Variants in MGAT4C observed in about 807,000 individuals in gnomAD.
MGAT4C encodes the protein MGAT4 family member C.
A neutral mutation model predicts 40.1 loss-of-function variants in MGAT4C; 19 were observed. The observed-to-expected ratio is 0.47, with a 90% confidence interval of 0.33 to 0.70. The LOEUF (loss-of-function observed/expected upper bound fraction) is 0.70. MGAT4C is among the 30% of genes least tolerant of loss of function. The pLI is 0.02. For synonymous variants in MGAT4C, 181 were observed against 187.1 expected (o/e 0.97, Z 0.27); for missense variants, 491 against 563.2 (o/e 0.87, Z 1.30).
At chr12:86,825,059 G>A (rs1952780155) in intron 1 of MGAT4C, among the ~76,000 whole-genome samples, 1 of 151,318 alleles carries the variant, frequency 6.6e-6, no homozygotes, top group Non-Finnish European at 1.5e-5. Context: ...AACCGCTAGA[G>A]TAGGAAGGAA....
intron 4 of MGAT4C, among the ~76,000 whole-genome samples, chr12:86,298,344 T>C (rs187893161): frequency 0.012 from 1,836 of 152,290 alleles, 14 homozygotes; most frequent in Middle Eastern, 0.027. Context: ...GGATAATATT[T>C]ATTTCTTACA....
chr12:86,216,818 A>G (rs1224345071), intron 1 of MGAT4C, among the ~76,000 whole-genome samples: 3 of 152,216 alleles, frequency 2.0e-5, no homozygotes, highest in Non-Finnish European at 2.9e-5. Context: ...TCAGCATTAA[A>G]TATATTGCAG....
chr12:86,086,633 G>T (rs1871903039), intron 1 of MGAT4C, among the ~76,000 whole-genome samples: 1 of 151,810 alleles, frequency 6.6e-6, no homozygotes, highest in African/African-American at 2.4e-5. Flanking sequence ...AGTGTAACTG[G>T]GGTATCCATT....
At position 85,972,235 on chromosome 12, in the gene MGAT4C, T is replaced by C. The variant is rs1421659545; in HGVS notation, c.*7054A>G. ...AGAAAATGTGTCTAATTATGTTTGT[T>C]TTAGAGCTTAAGAAATGTTAAGAAG... On this transcript the variant is annotated 3_prime_UTR_variant, in exon 5 of 5. Transcript: ENST00000611864. 1 of 151,146 alleles carries C rather than the reference T, an allele frequency of 6.6e-6. No homozygotes were observed. Among genetic ancestry groups the C allele is most frequent in the Admixed American group, 6.6e-5 (1 of 15,114 alleles). The allele number at this position is 151,146 out of a possible 1,614,324, so 9.4% of individuals were successfully genotyped here.
intron 1 of MGAT4C, among the ~76,000 whole-genome samples, chr12:86,770,285 A>G (rs1265635724): frequency 6.6e-6 from 1 of 152,094 alleles, no homozygotes; most frequent in South Asian, 2.1e-4. Flanking sequence ...TACCAAATTT[A>G]TATGAATGCA....
At chr12:86,687,030 T>A (rs1950084719) in intron 2 of MGAT4C, among the ~76,000 whole-genome samples, 1 of 152,208 alleles carries the variant, frequency 6.6e-6, no homozygotes, top group Non-Finnish European at 1.5e-5. Context: ...AACTTGTTAT[T>A]GCCCTATTCA....
At chr12:86,689,943 CA>C (rs1026458682) in intron 2 of MGAT4C, among the ~76,000 whole-genome samples, 12 of 152,188 alleles carry the variant, frequency 7.9e-5, no homozygotes, top group African/African-American at 2.9e-4. Flanking sequence ...TGCTCTGTCC[CA>C]GGGGGATGGG....
chr12:86,093,950 T>C (rs2135577191), intron 1 of MGAT4C, among the ~76,000 whole-genome samples: 1 of 152,328 alleles, frequency 6.6e-6, no homozygotes, highest in African/African-American at 2.4e-5. Context: ...CATATTCTTG[T>C]AATTATTAGT....
At chr12:86,203,785 C>T (rs906947609) in intron 1 of MGAT4C, among the ~76,000 whole-genome samples, 2 of 151,520 alleles carry the variant, frequency 1.3e-5, no homozygotes, top group South Asian at 2.1e-4. Context: ...TGGTGAAACC[C>T]CGTCTCTACT....
chr12:86,489,411 C>G (rs771250427), intron 2 of MGAT4C, among the ~76,000 whole-genome samples: 2 of 152,186 alleles, frequency 1.3e-5, no homozygotes, highest in Non-Finnish European at 2.9e-5. Flanking sequence ...GAATTTGGGA[C>G]ACACCAAGTG....
chr12:86,280,602 A>G (rs542389670), intron 4 of MGAT4C, among the ~76,000 whole-genome samples: 1 of 151,812 alleles, frequency 6.6e-6, no homozygotes, highest in East Asian at 1.9e-4. Context: ...TTTAAATTTC[A>G]TTATATAGAT....
chr12:86,401,569 A>G (rs1358347251), intron 3 of MGAT4C, among the ~76,000 whole-genome samples: 2 of 152,090 alleles, frequency 1.3e-5, no homozygotes, highest in Non-Finnish European at 2.9e-5. Flanking sequence ...CTATTCCTAA[A>G]ACCAGCTTAT....
chr12:86,763,777 G>T (rs1005405029), intron 1 of MGAT4C, among the ~76,000 whole-genome samples: 3 of 152,018 alleles, frequency 2.0e-5, no homozygotes, highest in Non-Finnish European at 4.4e-5. Context: ...CATAATAGTT[G>T]TTCTATAATT....
rs562142632 is a variant in MGAT4C, at chr12:86,767,191, T to C, written c.-261-39950A>G. Among the ~76,000 whole-genome samples, 137 of 152,222 alleles carry C rather than the reference T, an allele frequency of 9.0e-4. 1 individual carries two copies. Among genetic ancestry groups the C allele is most frequent in the African/African-American group, 3.2e-3 (132 of 41,542 alleles). On this transcript the variant is annotated intron_variant, in intron 1 of 7. Transcript: ENST00000548651. ...AAAATGATAAAGGGGTTATCACCAC[T>C]GATCCCACAGAAATACAAACTACCA...
chr12:86,365,910 T>G (rs114690836), intron 3 of MGAT4C, among the ~76,000 whole-genome samples: 2,580 of 152,290 alleles, frequency 0.017, 71 homozygotes, highest in African/African-American at 0.058. Context: ...AATAGGTTTT[T>G]CTAGTTCTGT....
chr12:86,394,058 T>C (rs1956204137), intron 3 of MGAT4C, among the ~76,000 whole-genome samples: 1 of 152,172 alleles, frequency 6.6e-6, no homozygotes, highest in Admixed American at 6.5e-5. Context: ...TTGTTCCCTC[T>C]TCTCCCAGAA....
At chr12:86,020,448 T>C (rs918288867) in intron 2 of MGAT4C, among the ~76,000 whole-genome samples, 1 of 152,178 alleles carries the variant, frequency 6.6e-6, no homozygotes, top group Admixed American at 6.5e-5. Flanking sequence ...TGCAACTATC[T>C]GATCTTTGAC....
At chr12:86,186,859 T>C (rs934771981) in intron 1 of MGAT4C, among the ~76,000 whole-genome samples, 23 of 152,064 alleles carry the variant, frequency 1.5e-4, no homozygotes, top group South Asian at 2.1e-4. Context: ...CTCAAATTAA[T>C]GAACAGGAGT....
chr12:86,609,048 A>G (rs1962151302), intron 2 of MGAT4C, among the ~76,000 whole-genome samples: 1 of 152,204 alleles, frequency 6.6e-6, no homozygotes, highest in African/African-American at 2.4e-5. Context: ...AGCATGCCAA[A>G]GAAATTGTAG....
Sources: allele counts gnomAD v4.1 joint callset (sites outside exome capture counted in the v4.1 genomes callset), GRCh38; gene constraint gnomAD v4.1.1; transcripts MANE v1.5; gene names NCBI Gene and HGNC (gene_info 2026-07-23, HGNC 2026-07-21).